Variants in TENM3 observed in about 807,000 individuals in gnomAD.
TENM3 encodes teneurin transmembrane protein 3, also known as teneurin-3.
Under a neutral mutation model 255.1 loss-of-function variants are expected in TENM3, and 63 were observed. That is an observed-to-expected ratio of 0.25 (90% confidence interval 0.20 to 0.30). TENM3 has a LOEUF of 0.30. Among genes scored for constraint, TENM3 ranks in the 10% least tolerant of loss-of-function variants. The probability of loss-of-function intolerance (pLI) is 1.00; values close to 1 mark genes in which losing one functional copy is unlikely to be tolerated. For missense variants in TENM3, 2,929 were observed against 3,461.1 expected (o/e 0.85, Z 3.86); for synonymous variants, 1,306 against 1,322.3 (o/e 0.99, Z 0.27).
intron 1 of TENM3, among the ~76,000 whole-genome samples, chr4:182,145,502 CTGAT>C (rs1366140895): frequency 9.2e-5 from 14 of 152,302 alleles, no homozygotes; most frequent in South Asian, 2.1e-4. Context: ...CGGGTTGTGT[CTGAT>C]TGATCTTTGC....
intron 4 of TENM3, among the ~76,000 whole-genome samples, chr4:182,609,403 A>G (rs1397545510): frequency 6.6e-6 from 1 of 152,084 alleles, no homozygotes; most frequent in Non-Finnish European, 1.5e-5. Flanking sequence ...TTTCTTCTCC[A>G]CTAATTTCAA....
chr4:182,597,840 T>C (rs770679062), intron 3 of TENM3, among the ~76,000 whole-genome samples: 2 of 152,190 alleles, frequency 1.3e-5, no homozygotes, highest in Admixed American at 6.5e-5. Context: ...TGACCCTAAC[T>C]GAATCCCCGG....
At chr4:182,590,001 G>A (rs1258024001) in intron 3 of TENM3, among the ~76,000 whole-genome samples, 5 of 151,954 alleles carry the variant, frequency 3.3e-5, no homozygotes, top group Non-Finnish European at 5.9e-5. Flanking sequence ...AACAAAAAAC[G>A]TTTGATTTGC....
At chr4:182,026,913 C>T in the TENM3 span, among the ~76,000 whole-genome samples, 1 of 152,032 alleles carries the variant, frequency 6.6e-6, no homozygotes. Flanking sequence ...CAGTTTTATT[C>T]TCTTTGCTTA....
the TENM3 span, among the ~76,000 whole-genome samples, chr4:181,896,080 C>T: frequency 6.6e-6 from 1 of 152,130 alleles, no homozygotes; most frequent in East Asian, 1.9e-4. Flanking sequence ...AAGAGCATAG[C>T]CTTTAATAGG....
chr4:182,799,458 TG>T lies in TENM3; in HGVS notation c.7345-137del. 1.8e-6 allele frequency: 2 copies of T among 1,101,844 alleles called. No homozygotes were observed. Among genetic ancestry groups the T allele is most frequent in the Non-Finnish European group, 1.3e-6 (1 of 797,990 alleles). 68.3% of individuals were successfully genotyped at this position (1,101,844 alleles called of 1,614,324 possible). Reference sequence around the variant, plus strand: ...TCTCGAGTGCTCCCTCCACCCGGGCTGTCAGCCTTCTGGTCAGGGAAGGACC... The same window carrying T: ...TCTCGAGTGCTCCCTCCACCCGGGCTTCAGCCTTCTGGTCAGGGAAGGACC... On this transcript the variant is annotated intron_variant, in intron 27 of 27. Coordinates refer to ENST00000511685, the MANE Select transcript of TENM3 (RefSeq NM_001080477.4). This position sits in a 1 kb window ranked among gnomAD's most constrained non-coding sequence, Gnocchi z 4.2.
chr4:182,212,357 G>C (rs1009347464), intron 1 of TENM3, among the ~76,000 whole-genome samples: 1 of 152,202 alleles, frequency 6.6e-6, no homozygotes, highest in Non-Finnish European at 1.5e-5. Flanking sequence ...CAAACAACTT[G>C]AAGGAGAGTG....
chr4:182,760,227 C>T (rs1181813778), intron 22 of TENM3, among the ~76,000 whole-genome samples: 1 of 152,172 alleles, frequency 6.6e-6, no homozygotes, highest in East Asian at 1.9e-4. Context: ...CACACGCGAT[C>T]ATTCCTTAGC....
chr4:182,383,885 G>A (rs925658115), intron 3 of TENM3, among the ~76,000 whole-genome samples: 22 of 152,284 alleles, frequency 1.4e-4, no homozygotes, highest in Admixed American at 4.6e-4. Flanking sequence ...AACAAGCAGC[G>A]GTTCTACCCT....
At chr4:181,585,333 C>T in the TENM3 span, among the ~76,000 whole-genome samples, 3 of 152,134 alleles carry the variant, frequency 2.0e-5, no homozygotes, top group East Asian at 1.9e-4. Flanking sequence ...TTATCTCTTA[C>T]GTGTTGTTCT....
At chr4:182,759,702 A>T (rs1167125106) in intron 22 of TENM3, among the ~76,000 whole-genome samples, 1 of 152,250 alleles carries the variant, frequency 6.6e-6, no homozygotes, top group Non-Finnish European at 1.5e-5. Context: ...ATCTGGTATC[A>T]GGAAGAATTC....
the TENM3 span, among the ~76,000 whole-genome samples, chr4:181,961,997 A>G: frequency 6.6e-6 from 1 of 152,224 alleles, no homozygotes; most frequent in Non-Finnish European, 1.5e-5. Context: ...TTAGAAAGAG[A>G]GAAAAAGGAG....
chr4:182,637,503 C>G (rs1751939462), intron 5 of TENM3, among the ~76,000 whole-genome samples: 1 of 152,142 alleles, frequency 6.6e-6, no homozygotes, highest in Non-Finnish European at 1.5e-5. Flanking sequence ...CCACTGCACT[C>G]CAGCCTGAAC....
At chr4:182,688,964 A>G (rs1579117928) in intron 12 of TENM3, among the ~76,000 whole-genome samples, 1 of 152,242 alleles carries the variant, frequency 6.6e-6, no homozygotes, top group Non-Finnish European at 1.5e-5. Flanking sequence ...AAATAAAACC[A>G]TCAGATAGAT....
intron 12 of TENM3, among the ~76,000 whole-genome samples, chr4:182,711,978 C>G (rs1192630639): frequency 6.6e-6 from 1 of 152,002 alleles, no homozygotes; most frequent in Non-Finnish European, 1.5e-5. Flanking sequence ...CACAAATACT[C>G]TTATCACAGA....
the TENM3 span, among the ~76,000 whole-genome samples, chr4:181,579,660 T>A: frequency 1.3e-5 from 2 of 152,202 alleles, no homozygotes; most frequent in African/African-American, 4.8e-5. Flanking sequence ...AACTTTCAAC[T>A]CGGCATCTTT....
chr4:181,674,545 G>A, the TENM3 span, among the ~76,000 whole-genome samples: 1 of 152,148 alleles, frequency 6.6e-6, no homozygotes, highest in Non-Finnish European at 1.5e-5. Context: ...TTCCAAGAAG[G>A]TAATTCAGCA....
chr4:182,009,925 C>A, the TENM3 span, among the ~76,000 whole-genome samples: 6 of 110,118 alleles, frequency 5.4e-5, no homozygotes, highest in Non-Finnish European at 1.2e-4. Context: ...CCACTCACCG[C>A]CTCCCTTGGC....
chr4:181,504,260 T>C, the TENM3 span, among the ~76,000 whole-genome samples: 1 of 152,214 alleles, frequency 6.6e-6, no homozygotes, highest in African/African-American at 2.4e-5. Flanking sequence ...TGCTCCCGAC[T>C]GTGGAATGAG....
Sources: gnomAD v4.1 joint callset for allele counts (sites outside exome capture counted in the v4.1 genomes callset) on GRCh38, gnomAD v4.1.1 for gene constraint, Gnocchi (gnomAD v3.1) non-coding constraint, MANE v1.5 for transcripts, NCBI Gene and HGNC (gene_info 2026-07-23, HGNC 2026-07-21) for gene names.